The following WIPI1 variants were observed in gnomAD, a reference collection of about 807,000 sequenced individuals.
The protein encoded by WIPI1 is WD repeat domain, phosphoinositide interacting 1.
Under a neutral mutation model 55.3 loss-of-function variants are expected in WIPI1, and 45 were observed. The ratio of observed to expected loss-of-function variants is 0.81; its 90% CI spans 0.64 to 1.04. WIPI1 has a LOEUF of 1.04. Ranked by LOEUF, WIPI1 falls within the 50% of genes least tolerant of loss-of-function variation. The pLI is 0.00. For missense variants in WIPI1, 445 were observed against 559.0 expected (o/e 0.80, Z 2.06); for synonymous variants, 195 against 217.6 (o/e 0.90, Z 0.92).
intron 3 of WIPI1, among the ~76,000 whole-genome samples, chr17:68,449,349 G>A (rs2084406906): frequency 2.0e-5 from 3 of 152,202 alleles, no homozygotes; most frequent in African/African-American, 7.2e-5. Flanking sequence ...CAGTAATTTG[G>A]CCAAGCGTGG....
At chr17:68,434,463 G>T in intron 7 of WIPI1, 93 bp downstream of exon 7, 1 of 1,349,058 alleles carries the variant, frequency 7.4e-7, no homozygotes, top group Non-Finnish European at 1.0e-6. Context: ...GGAGGGCACA[G>T]AGCCACTCTC....
At chr17:68,449,501 G>T (rs2084414612) in intron 3 of WIPI1, among the ~76,000 whole-genome samples, 1 of 152,214 alleles carries the variant, frequency 6.6e-6, no homozygotes, top group Non-Finnish European at 1.5e-5. Flanking sequence ...ATGTCGAATT[G>T]TAATCTTCAG....
intron 4 of WIPI1, 150 bp downstream of exon 4, chr17:68,444,343 C>T (rs1001707547): frequency 1.5e-5 from 10 of 685,032 alleles, no homozygotes; most frequent in African/African-American, 9.1e-5. Flanking sequence ...TTGAATCTGC[C>T]GCCATTAAGA....
chr17:68,437,948 T>TAAAAAA lies in WIPI1; in HGVS notation c.431-1475_431-1470dup, dbSNP rs199649033. On this transcript the variant is annotated intron_variant, in intron 4 of 12. Transcript: ENST00000262139. ...GATCACGCAAGAGAGACATCTCTCT[T>TAAAAAA]AAAAAAAAAAAAAAAAAAAAAAAAA... Among the ~76,000 whole-genome samples the TAAAAAA allele has an allele frequency of 3.8e-3, 303 of 78,760 alleles. 7 individuals are homozygous for TAAAAAA. Among genetic ancestry groups the TAAAAAA allele is most frequent in the African/African-American group, 0.014 (284 of 21,010 alleles). 51.7% of individuals were successfully genotyped at this position (78,760 alleles called of 152,430 possible).
At chr17:68,435,508 G>T in intron 6 of WIPI1, 112 bp downstream of exon 6, 3 of 1,023,420 alleles carry the variant, frequency 2.9e-6, no homozygotes, top group African/African-American at 1.6e-5. Flanking sequence ...TTCTGAGTGG[G>T]CCCAGAGACC....
intron 12 of WIPI1, among the ~76,000 whole-genome samples, chr17:68,424,965 G>A (rs1431020945): frequency 1.3e-5 from 2 of 152,210 alleles, no homozygotes; most frequent in African/African-American, 4.8e-5. Flanking sequence ...TCACAAGAGC[G>A]GTCTATATGT....
Position 68,456,205 on chromosome 17 carries a change from T to C in WIPI1, c.80+1137A>G, listed in dbSNP as rs73359928. ...ATAACCAAGCTGTAGAGCTACTCGA[T>C]TACATGATTACACATATGGGTTTTT... On this transcript the variant is annotated intron_variant, in intron 1 of 12. Transcript: ENST00000262139. Among the ~76,000 whole-genome samples, 1,054 of 152,364 alleles carry C rather than the reference T, an allele frequency of 6.9e-3. 14 individuals are homozygous for C. The highest frequency in any genetic ancestry group is 0.024 in the African/African-American group (995 of 41,576).
intron 4 of WIPI1, among the ~76,000 whole-genome samples, chr17:68,438,958 C>T (rs1309833237): frequency 6.6e-6 from 1 of 152,168 alleles, no homozygotes; most frequent in Non-Finnish European, 1.5e-5. Flanking sequence ...CACTGTACAA[C>T]CACTAGGATG....
At chr17:68,450,258 G>T (rs2084446371) in intron 3 of WIPI1, among the ~76,000 whole-genome samples, 1 of 152,268 alleles carries the variant, frequency 6.6e-6, no homozygotes, top group Non-Finnish European at 1.5e-5. Context: ...TGAGGACGTG[G>T]TGGGAGAAGG....
At chr17:68,452,455 C>T (rs1329404103) in intron 2 of WIPI1, among the ~76,000 whole-genome samples, 2 of 152,158 alleles carry the variant, frequency 1.3e-5, no homozygotes, top group Non-Finnish European at 2.9e-5. Flanking sequence ...ATCTCATCTA[C>T]TTGGGAGGCT....
Position 68,421,784 on chromosome 17 carries a change from T to C in WIPI1, c.1330A>G (p.Lys444Glu). 1 of 1,614,172 alleles carries C rather than the reference T, an allele frequency of 6.2e-7. No homozygotes were observed. The change falls in exon 13 of 13, where the codon AAG (lysine) becomes GAG (glutamate). Residue 444 changes from lysine (K) to glutamate (E), a missense_variant. Transcript: ENST00000262139. ...AGGTGTGCTTCTCATCATGACTGCTTCGTTTTGCCCTTCTGATTTCCACGG... is the reference window on the plus strand; with the variant it reads ...AGGTGTGCTTCTCATCATGACTGCTCCGTTTTGCCCTTCTGATTTCCACGG... ...LCRGNQKGKT[K>E]QS
chr17:68,448,275 A>G (rs1166777886), intron 3 of WIPI1: 2 of 152,238 alleles, frequency 1.3e-5, no homozygotes, highest in Non-Finnish European at 2.9e-5. Flanking sequence ...GAAAGTTTTA[A>G]GAAAAGCAAA....
In WIPI1 at chr17:68,423,872, C is replaced by T. The variant is rs930081904; in HGVS notation, c.1294-2052G>A. Among the ~76,000 whole-genome samples, 4 of 152,120 alleles carry T rather than the reference C, an allele frequency of 2.6e-5. No homozygotes were observed. The highest frequency in any genetic ancestry group is 7.2e-5 in the African/African-American group (3 of 41,414). On this transcript the variant is annotated intron_variant, in intron 12 of 12. Coordinates refer to ENST00000262139, the MANE Select transcript of WIPI1 (RefSeq NM_017983.7). This position sits in a 1 kb window ranked among gnomAD's most constrained non-coding sequence, Gnocchi z 4.4. ...CTATAAGAGGTTGCAAGGCTTACTG[C>T]GATTACAATTAAGAATCTAATAATA...
chr17:68,451,281 A>T (rs1328404179), intron 2 of WIPI1, among the ~76,000 whole-genome samples: 2 of 152,140 alleles, frequency 1.3e-5, no homozygotes, highest in African/African-American at 2.4e-5. Flanking sequence ...AAATATTTTA[A>T]AAATTAGCCA....
intron 12 of WIPI1, chr17:68,422,810 T>G (rs2082893593): frequency 1.3e-5 from 2 of 151,174 alleles, no homozygotes; most frequent in Admixed American, 6.6e-5. Flanking sequence ...CTCACAAGAT[T>G]GGGACTAGTC....
intron 12 of WIPI1, 96 bp downstream of exon 12, chr17:68,425,979 G>A (rs2083141584): frequency 1.1e-6 from 1 of 935,598 alleles, no homozygotes; most frequent in Non-Finnish European, 1.7e-6. Flanking sequence ...TTATAGATTA[G>A]AAAACAGGGA....
intron 1 of WIPI1, among the ~76,000 whole-genome samples, chr17:68,454,339 A>C (rs983514996): frequency 1.8e-4 from 27 of 152,360 alleles, no homozygotes; most frequent in African/African-American, 6.5e-4. Context: ...TAAGCAACTT[A>C]CTATTACAAG....
chr17:68,429,626 T>C (rs1043232509), intron 9 of WIPI1, among the ~76,000 whole-genome samples: 1 of 152,078 alleles, frequency 6.6e-6, no homozygotes, highest in Admixed American at 6.6e-5. Context: ...TCTTGCTCTG[T>C]CGCCCAGGCT....
chr17:68,435,106 C>G (rs1600310461), intron 6 of WIPI1, among the ~76,000 whole-genome samples: 1 of 151,720 alleles, frequency 6.6e-6, no homozygotes, highest in Non-Finnish European at 1.5e-5. Flanking sequence ...ACTCGGGAGG[C>G]TGAGGCAGGA....
Sources: gnomAD v4.1 joint callset for allele counts (sites outside exome capture counted in the v4.1 genomes callset) on GRCh38, gnomAD v4.1.1 for gene constraint, Gnocchi (gnomAD v3.1) non-coding constraint, MANE v1.5 for transcripts, NCBI Gene and HGNC (gene_info 2026-07-23, HGNC 2026-07-21) for gene names.